The following DLGAP1 variants were observed in gnomAD, a reference collection of about 807,000 sequenced individuals.
The protein encoded by DLGAP1 is DLG associated protein 1.
In DLGAP1, 11 loss-of-function variants were observed where a neutral mutation model predicts 90.8. The ratio of observed to expected loss-of-function variants is 0.12; its 90% confidence interval spans 0.08 to 0.20. DLGAP1 has a LOEUF of 0.20. Among genes scored for constraint, DLGAP1 ranks in the 10% least tolerant of loss-of-function variants. The pLI is 1.00. For missense variants in DLGAP1, 1,050 were observed against 1,333.8 expected (o/e 0.79, Z 3.31); for synonymous variants, 558 against 540.7 (o/e 1.03, Z -0.44).
intron 2 of DLGAP1, among the ~76,000 whole-genome samples, chr18:4,129,011 T>C (rs1305124756): frequency 1.3e-5 from 2 of 152,082 alleles, no homozygotes; most frequent in African/African-American, 2.4e-5. Context: ...ACAAAGGCTA[T>C]AGAGTGAACA....
intron 1 of DLGAP1, among the ~76,000 whole-genome samples, chr18:4,184,589 C>T (rs370016657): frequency 4.6e-5 from 7 of 152,028 alleles, no homozygotes; most frequent in East Asian, 1.9e-4. Flanking sequence ...TTCTAATCAC[C>T]GATAAGCCTA....
At chr18:4,157,844 G>A (rs2076782451) in intron 1 of DLGAP1, among the ~76,000 whole-genome samples, 1 of 152,180 alleles carries the variant, frequency 6.6e-6, no homozygotes, top group South Asian at 2.1e-4. Flanking sequence ...GCAGCCCCAA[G>A]ACGCCATGCT....
At chr18:3,515,157 C>T (rs1376717209) in intron 10 of DLGAP1, among the ~76,000 whole-genome samples, 1 of 152,208 alleles carries the variant, frequency 6.6e-6, no homozygotes, top group Non-Finnish European at 1.5e-5. Context: ...ATTTTACCCA[C>T]AGTAAAACTT....
intron 1 of DLGAP1, among the ~76,000 whole-genome samples, chr18:4,302,504 T>C (rs1467324195): frequency 7.0e-6 from 1 of 143,770 alleles, no homozygotes; most frequent in Non-Finnish European, 1.5e-5. Flanking sequence ...AATGTGTGTA[T>C]TTTTAAATTT....
chr18:4,023,485 T>A (rs893517332), intron 2 of DLGAP1, among the ~76,000 whole-genome samples: 1 of 152,234 alleles, frequency 6.6e-6, no homozygotes, highest in Non-Finnish European at 1.5e-5. Flanking sequence ...CGCATTCTTG[T>A]ACTTTCTTGG....
intron 4 of DLGAP1, among the ~76,000 whole-genome samples, chr18:3,817,512 C>T (rs1435817070): frequency 3.3e-5 from 5 of 152,178 alleles, no homozygotes; most frequent in East Asian, 1.9e-4. Context: ...TAAAATAATA[C>T]AGTAATCCGT....
chr18:4,358,986 A>C (rs986295703), intron 1 of DLGAP1, among the ~76,000 whole-genome samples: 1 of 152,216 alleles, frequency 6.6e-6, no homozygotes, highest in African/African-American at 2.4e-5. Context: ...GCTGGCGGGG[A>C]TGAGGGAGTT....
At position 3,826,444 on chromosome 18, in the gene DLGAP1, C is replaced by A. The variant is rs143281015; in HGVS notation, c.958-12171G>T. The stretch of plus-strand genomic sequence containing the variant: ...GGGATAGGCATGTTAATAGTGGCAT[C>A]ATCGCAGGCTACATTAAGAGACCTC... On this transcript the variant is annotated intron_variant, in intron 4 of 12. Coordinates refer to ENST00000315677, the MANE Select transcript of DLGAP1 (RefSeq NM_004746.4). 8.5e-5 allele frequency among the ~76,000 whole-genome samples: 13 copies of A among 152,294 alleles called. No homozygotes were observed. In the East Asian group the frequency reaches 1.9e-3, roughly 23 times the overall value.
chr18:3,578,820 C>T (rs535318208), intron 8 of DLGAP1, among the ~76,000 whole-genome samples: 3 of 152,072 alleles, frequency 2.0e-5, no homozygotes, highest in African/African-American at 4.8e-5. Context: ...CTAACACCTA[C>T]GCCATAAGGT....
intron 1 of DLGAP1, among the ~76,000 whole-genome samples, chr18:4,160,504 T>C (rs1417329558): frequency 1.3e-5 from 2 of 152,194 alleles, no homozygotes; most frequent in Non-Finnish European, 2.9e-5. Context: ...AATGCATCGA[T>C]TATTTCATTT....
At chr18:4,204,517 T>C (rs1521433) in intron 1 of DLGAP1, among the ~76,000 whole-genome samples, 3,037 of 151,156 alleles carry the variant, frequency 0.02, 109 homozygotes, top group African/African-American at 0.067. Flanking sequence ...GGTTTTTTTT[T>C]TGTTTTTGTT....
chr18:3,701,865 A>G (rs779913350), intron 7 of DLGAP1, among the ~76,000 whole-genome samples: 13 of 152,152 alleles, frequency 8.5e-5, no homozygotes, highest in Non-Finnish European at 1.8e-4. Flanking sequence ...AAGAGTCAAG[A>G]GTGAGAAGAG....
intron 2 of DLGAP1, among the ~76,000 whole-genome samples, chr18:4,026,731 T>C (rs1042791681): frequency 1.3e-5 from 2 of 152,222 alleles, no homozygotes; most frequent in Non-Finnish European, 2.9e-5. Flanking sequence ...TTCTGGGCTA[T>C]GAAATAGTCT....
At chr18:3,755,784 C>T (rs1207137430) in intron 5 of DLGAP1, among the ~76,000 whole-genome samples, 4 of 152,048 alleles carry the variant, frequency 2.6e-5, no homozygotes, top group African/African-American at 9.7e-5. Context: ...ACAAGGAAAC[C>T]GAAGACCTCG....
intron 7 of DLGAP1, chr18:3,603,870 G>A (rs2057195483): frequency 6.5e-6 from 1 of 154,210 alleles, no homozygotes; most frequent in African/African-American, 2.4e-5. Context: ...TCTTCAACTC[G>A]CCACAGGCTA....
chr18:4,266,030 CTT>C (rs756833150), intron 1 of DLGAP1, among the ~76,000 whole-genome samples: 174 of 152,102 alleles, frequency 1.1e-3, no homozygotes, highest in Middle Eastern at 3.4e-3. Context: ...GAGGAACTCT[CTT>C]AAGATATTTT....
chr18:3,768,676 C>G (rs1343500657), intron 5 of DLGAP1, among the ~76,000 whole-genome samples: 1 of 152,060 alleles, frequency 6.6e-6, no homozygotes, highest in Non-Finnish European at 1.5e-5. Flanking sequence ...AGTGCAAAAG[C>G]AATTCAAAAG....
At chr18:4,035,435 TAAATA>T (rs2074873050) in intron 2 of DLGAP1, among the ~76,000 whole-genome samples, 1 of 152,182 alleles carries the variant, frequency 6.6e-6, no homozygotes, top group Non-Finnish European at 1.5e-5. Context: ...GAAATATCAT[TAAATA>T]AAATAAGTCA....
At chr18:4,039,461 A>G (rs1220542109) in intron 2 of DLGAP1, among the ~76,000 whole-genome samples, 1 of 152,220 alleles carries the variant, frequency 6.6e-6, no homozygotes, top group African/African-American at 2.4e-5. Context: ...CTTTCCTAAG[A>G]GAAAACTTGC....
Sources: allele counts gnomAD v4.1 joint callset (sites outside exome capture counted in the v4.1 genomes callset), GRCh38; gene constraint gnomAD v4.1.1; transcripts MANE v1.5; gene names NCBI Gene and HGNC (gene_info 2026-07-23, HGNC 2026-07-21).